The following WDFY3 variants were observed in gnomAD, a reference collection of about 807,000 sequenced individuals.
WDFY3 encodes the protein WD repeat and FYVE domain containing 3.
WDFY3 carries 66 observed loss-of-function variants against 409.6 expected under a neutral mutation model. The ratio of observed to expected loss-of-function variants is 0.16; its 90% CI spans 0.13 to 0.20. The LOEUF (loss-of-function observed/expected upper bound fraction) is 0.20, where lower values mean the gene tolerates loss of function less well. WDFY3 is among the 10% of genes least tolerant of loss of function. The pLI is 1.00. For missense variants in WDFY3, 3,031 were observed against 4,298.1 expected (o/e 0.71, Z 8.24); for synonymous variants, 1,521 against 1,537.1 (o/e 0.99, Z 0.25).
intron 3 of WDFY3, among the ~76,000 whole-genome samples, chr4:84,882,662 T>G (rs915417532): frequency 1.3e-5 from 2 of 152,038 alleles, no homozygotes; most frequent in Non-Finnish European, 2.9e-5. Context: ...GACACAAAAA[T>G]TACTTGTCAG....
chr4:84,876,831 A>G (rs1005224306), intron 3 of WDFY3, among the ~76,000 whole-genome samples: 4 of 152,170 alleles, frequency 2.6e-5, no homozygotes, highest in African/African-American at 9.7e-5. Context: ...TTAAGCTTAC[A>G]ATTTACGTAT....
rs1396286379 is a variant in WDFY3 at position 84,847,645 on chromosome 4, G to A, written c.304+2257C>T. On this transcript the variant is annotated intron_variant, in intron 5 of 67. Coordinates refer to ENST00000295888, the MANE Select transcript of WDFY3 (RefSeq NM_014991.6). Reference sequence around the variant, plus strand: ...AAAAATTAGCCGGGCATGGTGGCACGTGCCTGTAGTCCCAGCTACCCAGGA... The same window carrying A: ...AAAAATTAGCCGGGCATGGTGGCACATGCCTGTAGTCCCAGCTACCCAGGA... 3.8e-4 allele frequency among the ~76,000 whole-genome samples: 56 copies of A among 147,068 alleles called. 1 individual carries two copies. Among genetic ancestry groups the A allele is most frequent in the East Asian group, 6.0e-4 (3 of 5,018 alleles).
intron 29 of WDFY3, 35 bp from the exon 30 acceptor site, chr4:84,772,964 T>C: frequency 6.6e-7 from 1 of 1,509,636 alleles, no homozygotes; most frequent in Non-Finnish European, 8.9e-7. Context: ...ATGGATTTTC[T>C]TTTTCCTCTT....
intron 1 of WDFY3, among the ~76,000 whole-genome samples, chr4:84,958,601 T>G (rs1351817100): frequency 2.0e-5 from 3 of 152,090 alleles, no homozygotes; most frequent in Non-Finnish European, 4.4e-5. Flanking sequence ...CAGGAGAGCT[T>G]GGCATACTTC....
chr4:84,674,024 C>G (rs1039889755), intron 67 of WDFY3, among the ~76,000 whole-genome samples: 2 of 152,170 alleles, frequency 1.3e-5, no homozygotes, highest in African/African-American at 4.8e-5. Flanking sequence ...CTGGACCTCT[C>G]AGATCCCTCA....
chr4:84,714,046 G>A (rs1455045412), intron 50 of WDFY3, among the ~76,000 whole-genome samples: 1 of 152,028 alleles, frequency 6.6e-6, no homozygotes, highest in Non-Finnish European at 1.5e-5. Context: ...AACCTGGGAG[G>A]TGGAAGTTGC....
intron 36 of WDFY3, 50 bp from the exon 37 acceptor site, chr4:84,743,849 A>T (rs2149246741): frequency 7.4e-7 from 1 of 1,349,002 alleles, no homozygotes; most frequent in South Asian, 1.5e-5. Context: ...AAACAAAAAT[A>T]TGAGCTCAAC....
At chr4:84,728,496 C>T (rs1736034389) in intron 44 of WDFY3, among the ~76,000 whole-genome samples, 1 of 152,092 alleles carries the variant, frequency 6.6e-6, no homozygotes, top group Non-Finnish European at 1.5e-5. Flanking sequence ...CCACTGCACT[C>T]CAGCCTGGGC....
rs1257347456 is a variant in WDFY3, at chr4:84,739,028, T to C, written c.6556A>G (p.Ser2186Gly). The C allele has an allele frequency of 6.2e-7, 1 of 1,614,118 alleles. No homozygotes were observed. The highest frequency in any genetic ancestry group is 1.3e-5 in the African/African-American group (1 of 75,056). ...CAATTACCTTCACTAATATCTTGGC[T>C]GTAACTACCATCTGGTTCAATGTCC... ...PSDIEPDGSYSQDISEGRQLL... is the reference protein window; with the variant it reads ...PSDIEPDGSYGQDISEGRQLL... Residue 2186 changes from serine to glycine, a missense_variant, in exon 40 of 68, where the codon AGC (serine) becomes GGC (glycine). Ser to Gly is a moderately conservative substitution (Grantham distance 56). Transcript: ENST00000295888.
chr4:84,941,950 A>G (rs1270131310), intron 1 of WDFY3, among the ~76,000 whole-genome samples: 1 of 152,050 alleles, frequency 6.6e-6, no homozygotes, highest in Non-Finnish European at 1.5e-5. Context: ...GTGCTACAGT[A>G]ATCAGATATC....
At chr4:84,828,426 T>A (rs1411259298) in intron 9 of WDFY3, among the ~76,000 whole-genome samples, 3 of 152,184 alleles carry the variant, frequency 2.0e-5, no homozygotes, top group Non-Finnish European at 2.9e-5. Context: ...ACCAAAAATA[T>A]AATTAAGAAG....
At chr4:84,881,176 C>T (rs35190829) in intron 3 of WDFY3, among the ~76,000 whole-genome samples, 35,801 of 152,014 alleles carry the variant, frequency 0.24, 5,194 homozygotes, top group East Asian at 0.32. Context: ...CTTAATATTA[C>T]ATCACATACT....
intron 2 of WDFY3, among the ~76,000 whole-genome samples, chr4:84,920,627 T>A (rs78093777): frequency 0.013 from 1,929 of 152,290 alleles, 53 homozygotes; most frequent in African/African-American, 0.043. Context: ...AAAATCATTA[T>A]ATTCAGGAAC....
intron 1 of WDFY3, among the ~76,000 whole-genome samples, chr4:84,934,244 G>A (rs1381349019): frequency 2.0e-5 from 3 of 152,114 alleles, no homozygotes; most frequent in African/African-American, 7.2e-5. Context: ...CCTCATTGCG[G>A]TTTTGATTTG....
chr4:84,771,228 C>G (rs997993680), intron 30 of WDFY3, among the ~76,000 whole-genome samples: 29 of 152,174 alleles, frequency 1.9e-4, no homozygotes, highest in African/African-American at 6.5e-4. Flanking sequence ...CCTCAGCCTC[C>G]TCAGGCTCAA....
chr4:84,739,178 T>C, intron 39 of WDFY3, 59 bp from the exon 40 acceptor site: 1 of 1,492,070 alleles, frequency 6.7e-7, no homozygotes, highest in South Asian at 1.1e-5. Flanking sequence ...AAGACTACAG[T>C]AACTAAGAAT....
At chr4:84,759,098 A>C (rs1028625350) in intron 32 of WDFY3, among the ~76,000 whole-genome samples, 1 of 152,192 alleles carries the variant, frequency 6.6e-6, no homozygotes, top group African/African-American at 2.4e-5. Context: ...AGGTTTGTCA[A>C]AGATCAGATA....
rs542942460 is a variant in WDFY3 at position 84,908,836 on chromosome 4, G to A, written c.-131-11826C>T. On this transcript the variant is annotated intron_variant, in intron 2 of 67. Coordinates refer to ENST00000295888, the MANE Select transcript of WDFY3 (RefSeq NM_014991.6). ...GGTTGAAACTCTTCAGGACTTCAGT[G>A]AGCATAAATTATCAACATAAGAACT... Among the ~76,000 whole-genome samples the A allele has an allele frequency of 2.0e-5, 3 of 152,212 alleles. No homozygotes were observed. The East Asian group carries it at 5.8e-4, about 29-fold the overall frequency.
chr4:84,680,301 T>A (rs1727138944), intron 64 of WDFY3, among the ~76,000 whole-genome samples: 1 of 150,794 alleles, frequency 6.6e-6, no homozygotes, highest in Admixed American at 6.6e-5. Flanking sequence ...TATGTATTTA[T>A]TTTTACATAC....
Sources: gnomAD v4.1 joint callset for allele counts (sites outside exome capture counted in the v4.1 genomes callset) on GRCh38, gnomAD v4.1.1 for gene constraint, MANE v1.5 for transcripts, NCBI Gene and HGNC (gene_info 2026-07-23, HGNC 2026-07-21) for gene names.